MLEC: variants seen among roughly 807,000 people sequenced by gnomAD.
MLEC encodes the protein oligosaccharyltransferase complex subunit (non-catalytic).
A neutral mutation model predicts 28.7 loss-of-function variants in MLEC; 7 were observed. The ratio of observed to expected loss-of-function variants is 0.24; its 90% CI spans 0.14 to 0.46. The LOEUF (loss-of-function observed/expected upper bound fraction) is 0.46. MLEC is among the 20% of genes least tolerant of loss of function. MLEC has a pLI of 0.99. For synonymous variants in MLEC, 142 were observed against 164.4 expected, an observed-to-expected ratio of 0.86 and a Z score of 1.04; for missense variants, 237 against 391.1, an observed-to-expected ratio of 0.61 and a Z score of 3.32.
chr12:120,689,207 GT>G (rs1881944416), intron 1 of MLEC, among the ~76,000 whole-genome samples: 1 of 46,744 alleles, frequency 2.1e-5, no homozygotes, highest in African/African-American at 2.6e-4. Flanking sequence ...TGCAGGTGGT[GT>G]GTGTGTGTGT....
Position 120,693,351 on chromosome 12 carries a change from C to T in MLEC, c.236-740C>T, listed in dbSNP as rs1882108870. ...TGAGTGGCGACTATGTGCCAGGTCC[C>T]GTGCTAGGCACTGGAGGTGCAGTGG... On this transcript the variant is annotated intron_variant, in intron 1 of 4. Transcript: ENST00000228506. Among the ~76,000 whole-genome samples, 3 of 152,324 alleles carry T rather than the reference C, an allele frequency of 2.0e-5. No individual in the cohort carries two copies. In the South Asian group the frequency reaches 6.2e-4, roughly 32 times the overall value.
chr12:120,691,140 T>C (rs1882021161), intron 1 of MLEC, among the ~76,000 whole-genome samples: 1 of 152,200 alleles, frequency 6.6e-6, no homozygotes, highest in Non-Finnish European at 1.5e-5. Flanking sequence ...ACTCTTGTGG[T>C]TCCCAGTTGC....
chr12:120,687,296 C>T lies in MLEC; in HGVS notation c.-1C>T, dbSNP rs1881857674. ...GGGCTGCCCCCGTGGTGGTGGCCGCCATGCTGGGAGCCTGGGCGGTTGAGG... is the reference window on the plus strand; with the variant it reads ...GGGCTGCCCCCGTGGTGGTGGCCGCTATGCTGGGAGCCTGGGCGGTTGAGG... On this transcript the variant is annotated 5_prime_UTR_variant, in exon 1 of 5. Transcript: ENST00000228506. This position sits in a 1 kb window ranked among gnomAD's most constrained non-coding sequence, Gnocchi z 8.1. The T allele has an allele frequency of 1.4e-6, 2 of 1,388,308 alleles. No individual in the cohort carries two copies. Among genetic ancestry groups the T allele is most frequent in the East Asian group, 6.1e-5 (2 of 32,592 alleles). The allele number at this position is 1,388,308 out of a possible 1,614,324, so 86.0% of individuals were successfully genotyped here.
chr12:120,694,288 G>T lies in MLEC; in HGVS notation c.414+19G>T, dbSNP rs1203557944. On this transcript the variant is annotated intron_variant, in intron 2 of 4. Transcript: ENST00000228506. The surrounding 1 kb of genome is among the most constrained non-coding windows in gnomAD (Gnocchi z 4.5). ...GCAAAAGGTGAGGCCTAGTCAGGCTGCTGCTTGACCAGTAGGACATTGCTG... is the reference window on the plus strand; with the variant it reads ...GCAAAAGGTGAGGCCTAGTCAGGCTTCTGCTTGACCAGTAGGACATTGCTG... 1 of 1,611,228 alleles carries T rather than the reference G, an allele frequency of 6.2e-7. No homozygotes were observed.
At chr12:120,689,773 A>C (rs1298933151) in intron 1 of MLEC, among the ~76,000 whole-genome samples, 1 of 152,186 alleles carries the variant, frequency 6.6e-6, no homozygotes, top group Non-Finnish European at 1.5e-5. Context: ...TGTATGCCTT[A>C]TTTCTTTTCC....
chr12:120,689,205 GT>G (rs1329929080), intron 1 of MLEC, among the ~76,000 whole-genome samples: 1 of 41,406 alleles, frequency 2.4e-5, no homozygotes, highest in African/African-American at 5.6e-4. Context: ...GATGCAGGTG[GT>G]GTGTGTGTGT....
At chr12:120,695,062 G>T in intron 3 of MLEC, 33 bp from the exon 4 acceptor site, 2 of 1,614,166 alleles carry the variant, frequency 1.2e-6, no homozygotes, top group South Asian at 2.2e-5. Flanking sequence ...GTTTGCTGCT[G>T]TGTGGGGTTG....
In MLEC at chr12:120,696,277, A is replaced by G. The variant is rs200934079; in HGVS notation, c.650-39A>G. On this transcript the variant is annotated intron_variant, in intron 4 of 4. Coordinates refer to ENST00000228506, the MANE Select transcript of MLEC (RefSeq NM_014730.4). This position sits in a 1 kb window ranked among gnomAD's most constrained non-coding sequence, Gnocchi z 5.4. The stretch of plus-strand genomic sequence containing the variant: ...GCTTTTAAGGGTCTCTCTTACTTAA[A>G]TGCTGTGGGTCTTAACAGTGTTTTC... 8.9e-5 allele frequency: 143 copies of G among 1,608,136 alleles called. No individual in the cohort carries two copies. The African/African-American group carries it at 1.8e-3, about 20-fold the overall frequency.
rs776176878 is a variant in MLEC, at chr12:120,692,633, CTTG to C, written c.236-1454_236-1452del. 5.3e-5 allele frequency among the ~76,000 whole-genome samples: 8 copies of C among 150,642 alleles called. No individual in the cohort carries two copies. In the East Asian group the frequency reaches 9.7e-4, roughly 18 times the overall value. Reference sequence around the variant, plus strand: ...TTTTACCTTTTGCCATGTCTTCTCCCTTGTTGATGATTCAGAAGATAAAGCTCT... The same window carrying C: ...TTTTACCTTTTGCCATGTCTTCTCCCTTGATGATTCAGAAGATAAAGCTCT... On this transcript the variant is annotated intron_variant, in intron 1 of 4. Transcript: ENST00000228506.
chr12:120,693,637 T>TAGAA (rs1485955048), intron 1 of MLEC, among the ~76,000 whole-genome samples: 1 of 152,238 alleles, frequency 6.6e-6, no homozygotes, highest in East Asian at 1.9e-4. Context: ...ACTCTGGGCT[T>TAGAA]TTCTGAATGA....
chr12:120,689,489 G>A (rs768502697), intron 1 of MLEC, among the ~76,000 whole-genome samples: 5 of 152,226 alleles, frequency 3.3e-5, no homozygotes, highest in African/African-American at 1.2e-4. Flanking sequence ...GATGGGGAGT[G>A]GGAGGTGGCG....
Position 120,694,641 on chromosome 12 carries a change from G to A in MLEC, c.415-183G>A, listed in dbSNP as rs1415997554. ...TTAAAGCCAATATAAGAACTCCTGG[G>A]CAGTGAAGGAACACGGCTTTGATTT... On this transcript the variant is annotated intron_variant, in intron 2 of 4. Coordinates refer to ENST00000228506, the MANE Select transcript of MLEC (RefSeq NM_014730.4). This position sits in a 1 kb window ranked among gnomAD's most constrained non-coding sequence, Gnocchi z 4.5. Among the ~76,000 whole-genome samples, 1 of 152,036 alleles carries A rather than the reference G, an allele frequency of 6.6e-6. No individual in the cohort carries two copies. The highest frequency in any genetic ancestry group is 1.5e-5 in the Non-Finnish European group (1 of 68,012).
At chr12:120,695,486 G>A (rs1387789474) in intron 4 of MLEC, among the ~76,000 whole-genome samples, 1 of 149,624 alleles carries the variant, frequency 6.7e-6, no homozygotes, top group East Asian at 1.9e-4. Context: ...TCCTTATTCT[G>A]TTTGTTTGAC....
chr12:120,687,266 G>A lies in MLEC; in HGVS notation c.-31G>A. On this transcript the variant is annotated 5_prime_UTR_variant, in exon 1 of 5. Coordinates refer to ENST00000228506, the MANE Select transcript of MLEC (RefSeq NM_014730.4). The surrounding 1 kb of genome is among the most constrained non-coding windows in gnomAD (Gnocchi z 8.1). ...TGGCAGCCGGCCGAGGACGAGGGTC[G>A]GCGGGGGCTGCCCCCGTGGTGGTGG... 1.5e-6 allele frequency: 2 copies of A among 1,359,950 alleles called. No individual in the cohort carries two copies. Among genetic ancestry groups the A allele is most frequent in the South Asian group, 1.9e-5 (1 of 53,408 alleles). The allele number at this position is 1,359,950 out of a possible 1,614,324, so 84.2% of individuals were successfully genotyped here.
chr12:120,697,858 T>A lies in MLEC; in HGVS notation c.*1313T>A, dbSNP rs997129817. 1.3e-5 allele frequency: 2 copies of A among 152,240 alleles called. No homozygotes were observed. Among genetic ancestry groups the A allele is most frequent in the African/African-American group, 4.8e-5 (2 of 41,436 alleles). The allele number at this position is 152,240 out of a possible 1,614,324, so 9.4% of individuals were successfully genotyped here. On this transcript the variant is annotated 3_prime_UTR_variant, in exon 5 of 5. Coordinates refer to ENST00000228506, the MANE Select transcript of MLEC (RefSeq NM_014730.4). This position sits in a 1 kb window ranked among gnomAD's most constrained non-coding sequence, Gnocchi z 4.8. ...CTTAATAGTATGCCCCTCCTTCCCC[T>A]GTCCTTTCATTTCTCTATCCAAGTA...
At chr12:120,688,985 A>G (rs1437035897) in intron 1 of MLEC, among the ~76,000 whole-genome samples, 1 of 152,228 alleles carries the variant, frequency 6.6e-6, no homozygotes, top group African/African-American at 2.4e-5. Context: ...AGAGCCCTTG[A>G]GGAAACTAGA....
In MLEC at chr12:120,695,034, G is replaced by T. The variant is rs374119362; in HGVS notation, c.591+34G>T. ...CCTATTCTGCCCATTGCTGAAGAGAGTGGGTACAGGGGAAGTTGTTTGCTG... is the reference window on the plus strand; with the variant it reads ...CCTATTCTGCCCATTGCTGAAGAGATTGGGTACAGGGGAAGTTGTTTGCTG... On this transcript the variant is annotated intron_variant, in intron 3 of 4. Coordinates refer to ENST00000228506, the MANE Select transcript of MLEC (RefSeq NM_014730.4). 4.4e-5 allele frequency: 71 copies of T among 1,613,996 alleles called. No homozygotes were observed. In the Middle Eastern group the frequency reaches 4.9e-4, roughly 11 times the overall value.
rs1881863754 is a variant in MLEC at position 120,687,380 on chromosome 12, A to G, written c.84A>G (p.Gly28=). The G allele has an allele frequency of 7.3e-7, 1 of 1,367,958 alleles. No individual in the cohort carries two copies. The highest frequency in any genetic ancestry group is 9.4e-7 in the Non-Finnish European group (1 of 1,060,856). The allele number at this position is 1,367,958 out of a possible 1,614,324, so 84.7% of individuals were successfully genotyped here. The change falls in exon 1 of 5, where the codon GGA becomes GGG. Residue 28 remains glycine, a synonymous_variant. Coordinates refer to ENST00000228506, the MANE Select transcript of MLEC (RefSeq NM_014730.4). The surrounding 1 kb of genome is among the most constrained non-coding windows in gnomAD (Gnocchi z 8.1). The part of the protein sequence containing the change: ...LLLLLPPAIR[G]PGLGVAGVAG... ...TGCTGCTGCCGCCGGCGATCCGGGG[A>G]CCCGGGCTCGGCGTGGCCGGCGTGG...
chr12:120,695,968 G>C (rs1592918814), intron 4 of MLEC, among the ~76,000 whole-genome samples: 1 of 152,192 alleles, frequency 6.6e-6, no homozygotes, highest in East Asian at 1.9e-4. Flanking sequence ...GAATCAAAAG[G>C]GAATGTGGGC....
Sources: gnomAD v4.1 joint callset for allele counts (sites outside exome capture counted in the v4.1 genomes callset) on GRCh38, gnomAD v4.1.1 for gene constraint, Gnocchi (gnomAD v3.1) non-coding constraint, MANE v1.5 for transcripts, NCBI Gene and HGNC (gene_info 2026-07-23, HGNC 2026-07-21) for gene names.